PDF: variants seen among roughly 807,000 people sequenced by gnomAD.
PDF encodes the protein peptide deformylase, mitochondrial.
Under a neutral mutation model 20.3 loss-of-function variants are expected in PDF, and 31 were observed. The observed-to-expected ratio is 1.52, with a 90% CI of 1.15 to 2.06. The LOEUF is 2.06. Ranked by LOEUF, PDF falls within the 30% of genes most tolerant of loss-of-function variation. The probability of loss-of-function intolerance (pLI) is 0.00; values close to 1 mark genes in which losing one functional copy is unlikely to be tolerated. For missense variants in PDF, 447 were observed against 362.5 expected, an observed-to-expected ratio of 1.23 and a Z score of -1.89; for synonymous variants, 254 against 172.0, an observed-to-expected ratio of 1.48 and a Z score of -3.73.
At chr16:69,329,313 C>T (rs985916243) in intron 1 of PDF, 134 bp from the exon 2 acceptor site, 8 of 934,428 alleles carry the variant, frequency 8.6e-6, no homozygotes, top group Non-Finnish European at 1.2e-5. Context: ...TAGACAGCAG[C>T]TCCTCTTCTA....
chr16:69,327,568 G>C lies in PDF; in HGVS notation c.*1454C>G, dbSNP rs1287729912. On this transcript the variant is annotated 3_prime_UTR_variant, in exon 2 of 2. Coordinates refer to ENST00000288022, the MANE Select transcript of PDF (RefSeq NM_022341.2). ...CCACAAAGGAGGATGGGTCTTTCCT[G>C]GGTTCATTTAACTGCCATTTATAAC... 2.0e-5 allele frequency: 3 copies of C among 151,950 alleles called. No homozygotes were observed. Among genetic ancestry groups the C allele is most frequent in the Non-Finnish European group, 4.4e-5 (3 of 68,026 alleles). 9.4% of individuals were successfully genotyped at this position (151,950 alleles called of 1,614,324 possible).
chr16:69,329,027 C>T lies in PDF; in HGVS notation c.727G>A (p.Asp243Asn). ...TCAGCCCCAGTAGCAAAGCTTTAGTCATTCACCTTCATCCAATAGACGTTT... is the reference window on the plus strand; with the variant it reads ...TCAGCCCCAGTAGCAAAGCTTTAGTTATTCACCTTCATCCAATAGACGTTT... ...FTNVYWMKVN[D>N] Residue 243 changes from aspartate to asparagine, a missense_variant, in exon 2 of 2, where the codon GAC becomes AAC. Coordinates refer to ENST00000288022, the MANE Select transcript of PDF (RefSeq NM_022341.2). 6.2e-7 allele frequency: 1 copy of T among 1,608,136 alleles called. No homozygotes were observed. The highest frequency in any genetic ancestry group is 8.5e-7 in the Non-Finnish European group (1 of 1,178,322).
chr16:69,330,332 G>A lies in PDF; in HGVS notation c.239C>T (p.Ala80Val). The change falls in exon 1 of 2, where the codon GCC becomes GTC. Residue 80 changes from alanine (A) to valine (V), a missense_variant. Physicochemically the swap from Ala to Val is moderately conservative, Grantham distance 64. Transcript: ENST00000288022. ...GCCTAGCTGCGCCCGCTCCACCGGG[G>A]CCGCCACGCCGCGCAGCACCGGGTC... Reference protein sequence around the residue: ...VGDPVLRGVAAPVERAQLGGP... With the variant: ...VGDPVLRGVAVPVERAQLGGP... 2 of 1,455,114 alleles carry A rather than the reference G, an allele frequency of 1.4e-6. No homozygotes were observed. Among genetic ancestry groups the A allele is most frequent in the Non-Finnish European group, 1.8e-6 (2 of 1,111,136 alleles). 90.1% of individuals were successfully genotyped at this position (1,455,114 alleles called of 1,614,324 possible). A position where few individuals can be genotyped will look rare whatever the true frequency, so the allele number is the denominator to read the frequency against.
rs553051139 is a variant in PDF at position 69,329,010 on chromosome 16, A to G, written c.*12T>C. 1.6e-5 allele frequency: 26 copies of G among 1,601,358 alleles called. No homozygotes were observed. The South Asian group carries it at 2.9e-4, about 18-fold the overall frequency. ...CTTGGTATCCGGAATCCTCAGCCCC[A>G]GTAGCAAAGCTTTAGTCATTCACCT... On this transcript the variant is annotated 3_prime_UTR_variant, in exon 2 of 2. Coordinates refer to ENST00000288022, the MANE Select transcript of PDF (RefSeq NM_022341.2).
At chr16:69,329,895 G>A (rs1965731449) in intron 1 of PDF, 102 bp downstream of exon 1, 1 of 1,345,098 alleles carries the variant, frequency 7.4e-7, no homozygotes, top group African/African-American at 1.5e-5. Flanking sequence ...CGCTCCTGCG[G>A]GAGGTCCGGC....
rs1161424665 is a variant in PDF, at chr16:69,327,009, T to C, written c.*2013A>G. ...GCATCAAAAGATTGCCATAGCCCCCTGTAAGAGCTTCTGAACATTGTCCAA... is the reference window on the plus strand; with the variant it reads ...GCATCAAAAGATTGCCATAGCCCCCCGTAAGAGCTTCTGAACATTGTCCAA... On this transcript the variant is annotated 3_prime_UTR_variant, in exon 2 of 2. Transcript: ENST00000288022. 1 of 152,142 alleles carries C rather than the reference T, an allele frequency of 6.6e-6. No homozygotes were observed. Among genetic ancestry groups the C allele is most frequent in the Non-Finnish European group, 1.5e-5 (1 of 68,018 alleles). The allele number at this position is 152,142 out of a possible 1,614,324, so 9.4% of individuals were successfully genotyped here.
Position 69,328,823 on chromosome 16 carries a change from G to T in PDF, c.*199C>A. On this transcript the variant is annotated 3_prime_UTR_variant, in exon 2 of 2. Transcript: ENST00000288022. ...TGGGGGTGATTTTTCTCCTCAAGTT[G>T]TAGCCAACATTTTGTCCGTAACTGA... The T allele has an allele frequency of 3.0e-6, 2 of 667,574 alleles. No homozygotes were observed. The highest frequency in any genetic ancestry group is 4.8e-6 in the Non-Finnish European group (2 of 412,754). The allele number at this position is 667,574 out of a possible 1,614,324, so 41.4% of individuals were successfully genotyped here. A position where few individuals can be genotyped will look rare whatever the true frequency, so the allele number is the denominator to read the frequency against.
Position 69,330,560 on chromosome 16 carries a change from A to G in PDF, c.11T>C (p.Leu4Pro). 6.8e-7 allele frequency: 1 copy of G among 1,466,270 alleles called. No individual in the cohort carries two copies. The allele number at this position is 1,466,270 out of a possible 1,614,324, so 90.8% of individuals were successfully genotyped here. A position where few individuals can be genotyped will look rare whatever the true frequency, so the allele number is the denominator to read the frequency against. ...TGGCCAAAGACTCAGCGCGCCCCAC[A>G]GCCGGGCCATGGCGGCCCCCTTAAC... MAR[L>P]WGALSLWPLW... The change falls in exon 1 of 2, where the codon CTG becomes CCG. Residue 4 changes from leucine (L) to proline (P), a missense_variant. Coordinates refer to ENST00000288022, the MANE Select transcript of PDF (RefSeq NM_022341.2).
rs1172236439 is a variant in PDF, at chr16:69,330,557, C to T, written c.14G>A (p.Trp5Ter). 3 of 1,467,308 alleles carry T rather than the reference C, an allele frequency of 2.0e-6. No homozygotes were observed. Among genetic ancestry groups the T allele is most frequent in the Admixed American group, 2.5e-5 (1 of 39,222 alleles). The allele number at this position is 1,467,308 out of a possible 1,614,324, so 90.9% of individuals were successfully genotyped here. A position where few individuals can be genotyped will look rare whatever the true frequency, so the allele number is the denominator to read the frequency against. The change falls in exon 1 of 2, where the codon TGG (tryptophan) becomes TAG (stop). Residue 5 changes from tryptophan to a stop codon, truncating the protein, a stop_gained. Coordinates refer to ENST00000288022, the MANE Select transcript of PDF (RefSeq NM_022341.2). LOFTEE classifies it high-confidence loss of function. The part of the protein sequence containing the change: MARL[W>*]GALSLWPLWA... Reference sequence around the variant, plus strand: ...CAGTGGCCAAAGACTCAGCGCGCCCCACAGCCGGGCCATGGCGGCCCCCTT... The same window carrying T: ...CAGTGGCCAAAGACTCAGCGCGCCCTACAGCCGGGCCATGGCGGCCCCCTT...
intron 1 of PDF, among the ~76,000 whole-genome samples, chr16:69,329,749 C>A (rs1389162922): frequency 6.6e-6 from 1 of 152,246 alleles, no homozygotes; most frequent in Admixed American, 6.5e-5. Context: ...AGCAAGGGAG[C>A]AGAAAGCAGA....
In PDF at chr16:69,327,606, A is replaced by C. The variant is rs955602144; in HGVS notation, c.*1416T>G. 2 of 152,086 alleles carry C rather than the reference A, an allele frequency of 1.3e-5. No homozygotes were observed. Among genetic ancestry groups the C allele is most frequent in the Non-Finnish European group, 2.9e-5 (2 of 68,028 alleles). The allele number at this position is 152,086 out of a possible 1,614,324, so 9.4% of individuals were successfully genotyped here. A position where few individuals can be genotyped will look rare whatever the true frequency, so the allele number is the denominator to read the frequency against. ...TGCCATTTATAACACTTTTTCCTCT[A>C]AACAGCTTAATGGACTTCCTACTAC... is the stretch of plus-strand genomic sequence containing the variant. On this transcript the variant is annotated 3_prime_UTR_variant, in exon 2 of 2. Coordinates refer to ENST00000288022, the MANE Select transcript of PDF (RefSeq NM_022341.2).
chr16:69,328,798 T>C lies in PDF; in HGVS notation c.*224A>G. Reference sequence around the variant, plus strand: ...AATTGTTAGGAAATGTCCACTCCTTTGGGGGTGATTTTTCTCCTCAAGTTG... The same window carrying C: ...AATTGTTAGGAAATGTCCACTCCTTCGGGGGTGATTTTTCTCCTCAAGTTG... On this transcript the variant is annotated 3_prime_UTR_variant, in exon 2 of 2. Transcript: ENST00000288022. The C allele has an allele frequency of 1.8e-6, 1 of 565,584 alleles. No individual in the cohort carries two copies. The highest frequency in any genetic ancestry group is 3.0e-6 in the Non-Finnish European group (1 of 331,282). The allele number at this position is 565,584 out of a possible 1,614,324, so 35.0% of individuals were successfully genotyped here.
chr16:69,329,630 G>C (rs1206609177), intron 1 of PDF, among the ~76,000 whole-genome samples: 1 of 152,366 alleles, frequency 6.6e-6, no homozygotes, highest in Admixed American at 6.5e-5. Context: ...TACCACGGGG[G>C]AATGGCCTAG....
At position 69,330,094 on chromosome 16, in the gene PDF, T is replaced by C; in HGVS notation, c.477A>G (p.Arg159=). The C allele has an allele frequency of 2.5e-6, 4 of 1,579,444 alleles. No individual in the cohort carries two copies. Among genetic ancestry groups the C allele is most frequent in the Non-Finnish European group, 3.4e-6 (4 of 1,165,186 alleles). ...PLRVFVNPSL[R]VLDSRLVTFP... ...AGGTGACCAGGCGGCTGTCAAGCAC[T>C]CGCAGGCTGGGGTTCACGAACACGC... is the stretch of plus-strand genomic sequence containing the variant. The change falls in exon 1 of 2, where the codon CGA becomes CGG. Residue 159 remains arginine (R), a synonymous_variant. Coordinates refer to ENST00000288022, the MANE Select transcript of PDF (RefSeq NM_022341.2).
chr16:69,329,118 G>C lies in PDF; in HGVS notation c.636C>G (p.Ile212Met). The C allele has an allele frequency of 6.2e-7, 1 of 1,610,490 alleles. No homozygotes were observed. Among genetic ancestry groups the C allele is most frequent in the Non-Finnish European group, 8.5e-7 (1 of 1,179,362 alleles). ...CCTGCAGGTGGTCCATCTCGTGCTGGATGATGCGGGCTGCCCACCCGCTCG... is the reference window on the plus strand; with the variant it reads ...CCTGCAGGTGGTCCATCTCGTGCTGCATGATGCGGGCTGCCCACCCGCTCG... ...WQASGWAARIIQHEMDHLQGC... is the reference protein window; with the variant it reads ...WQASGWAARIMQHEMDHLQGC... Residue 212 changes from isoleucine to methionine, a missense_variant, in exon 2 of 2, where the codon ATC (isoleucine) becomes ATG (methionine). Transcript: ENST00000288022.
rs1053703337 is a variant in PDF, at chr16:69,330,091, C to A, written c.480G>T (p.Val160=). Residue 160 remains valine (V), a synonymous_variant, in exon 1 of 2, where the codon GTG becomes GTT. Transcript: ENST00000288022. The part of the protein sequence containing the change: ...LRVFVNPSLR[V]LDSRLVTFPE... ...GAAAGGTGACCAGGCGGCTGTCAAG[C>A]ACTCGCAGGCTGGGGTTCACGAACA... The A allele has an allele frequency of 1.9e-6, 3 of 1,577,154 alleles. No homozygotes were observed. In the Admixed American group the frequency reaches 5.4e-5, roughly 28 times the overall value.
In PDF at chr16:69,328,637, C is replaced by A; in HGVS notation, c.*385G>T. The stretch of plus-strand genomic sequence containing the variant: ...GCACAAATGGCCAGTCACATGCTTA[C>A]CTGCATTTTTAAAGACAGCTTTCAG... On this transcript the variant is annotated 3_prime_UTR_variant, in exon 2 of 2. Coordinates refer to ENST00000288022, the MANE Select transcript of PDF (RefSeq NM_022341.2). The A allele has an allele frequency of 4.8e-6, 1 of 207,494 alleles. No individual in the cohort carries two copies. The highest frequency in any genetic ancestry group is 7.2e-5 in the South Asian group (1 of 13,884). 12.9% of individuals were successfully genotyped at this position (207,494 alleles called of 1,614,324 possible).
chr16:69,329,188 G>T lies in PDF; in HGVS notation c.575-9C>A. 6.3e-7 allele frequency: 1 copy of T among 1,585,794 alleles called. No individual in the cohort carries two copies. On this transcript the variant is annotated splice_polypyrimidine_tract_variant and intron_variant, in intron 1 of 1. Transcript: ENST00000288022. Reference sequence around the variant, plus strand: ...TCCATTGGGGTCCAGCCCTGCAAAGGAAGTTACAGCCCTGGTGAGTGGGAA... The same window carrying T: ...TCCATTGGGGTCCAGCCCTGCAAAGTAAGTTACAGCCCTGGTGAGTGGGAA...
intron 1 of PDF, among the ~76,000 whole-genome samples, chr16:69,329,384 G>A (rs577716696): frequency 3.7e-4 from 57 of 152,300 alleles, no homozygotes; most frequent in African/African-American, 1.2e-3. Flanking sequence ...CCCAACTCTG[G>A]TAATTAGGTT....
Sources: allele counts gnomAD v4.1 joint callset (sites outside exome capture counted in the v4.1 genomes callset), GRCh38; gene constraint gnomAD v4.1.1; transcripts MANE v1.5; gene names NCBI Gene and HGNC (gene_info 2026-07-23, HGNC 2026-07-21).